The following RALYL variants were observed in gnomAD, a reference collection of about 807,000 sequenced individuals.
RALYL encodes the protein RNA-binding Raly-like protein.
RALYL carries 29 observed loss-of-function variants against 35.1 expected under a neutral mutation model. The observed-to-expected ratio is 0.83, with a 90% CI of 0.61 to 1.13. The LOEUF (loss-of-function observed/expected upper bound fraction) is 1.13. Ranked by LOEUF, RALYL falls within the 50% of genes most tolerant of loss-of-function variation. RALYL has a pLI of 0.00. For missense variants in RALYL, 359 were observed against 360.4 expected (o/e 1.00, Z 0.03); for synonymous variants, 120 against 127.6 (o/e 0.94, Z 0.40).
At chr8:84,721,293 C>A (rs548800198) in intron 2 of RALYL, among the ~76,000 whole-genome samples, 29 of 152,048 alleles carry the variant, frequency 1.9e-4, no homozygotes, top group African/African-American at 6.5e-4. Context: ...TGGTTATATA[C>A]CCAAAAGAAA....
At chr8:84,720,396 G>C (rs28831816) in intron 2 of RALYL, among the ~76,000 whole-genome samples, 18 of 152,202 alleles carry the variant, frequency 1.2e-4, no homozygotes, top group African/African-American at 4.1e-4. Context: ...AGAACATGTA[G>C]TGGGGAAAAG....
At chr8:84,825,001 G>A (rs574032644) in intron 4 of RALYL, among the ~76,000 whole-genome samples, 2 of 152,242 alleles carry the variant, frequency 1.3e-5, no homozygotes, top group East Asian at 1.9e-4. Context: ...ATTGAGAAGT[G>A]GGGCCTAATG....
chr8:84,690,437 A>G (rs1053919550), intron 2 of RALYL, among the ~76,000 whole-genome samples: 1 of 152,112 alleles, frequency 6.6e-6, no homozygotes, highest in Non-Finnish European at 1.5e-5. Context: ...TGCAGGATGA[A>G]TAAGTTTGGG....
chr8:84,413,375 G>A (rs892619416), intron 1 of RALYL, among the ~76,000 whole-genome samples: 1 of 151,500 alleles, frequency 6.6e-6, no homozygotes, highest in Admixed American at 6.6e-5. Flanking sequence ...GGAAAAAGTA[G>A]GTGTTAGTCC....
At chr8:84,515,586 A>G (rs989117518) in intron 1 of RALYL, among the ~76,000 whole-genome samples, 1 of 152,168 alleles carries the variant, frequency 6.6e-6, no homozygotes, top group Admixed American at 6.5e-5. Flanking sequence ...GAAATGTGAT[A>G]ATATCTTCTA....
chr8:84,906,999 G>C (rs1462450944), intron 8 of RALYL: 1 of 983,228 alleles, frequency 1.0e-6, no homozygotes, highest in Non-Finnish European at 1.2e-6. Flanking sequence ...TGAAATGAAA[G>C]TTCAGGCCTT....
intron 2 of RALYL, among the ~76,000 whole-genome samples, chr8:84,695,510 A>G (rs1336301344): frequency 1.3e-5 from 2 of 151,876 alleles, no homozygotes; most frequent in African/African-American, 2.4e-5. Context: ...CAGATATTTT[A>G]ACTGGTAGTT....
intron 2 of RALYL, among the ~76,000 whole-genome samples, chr8:84,674,867 A>G (rs1271971026): frequency 1.3e-5 from 2 of 152,106 alleles, no homozygotes; most frequent in Non-Finnish European, 2.9e-5. Flanking sequence ...TTTGAAACCA[A>G]ATTGTATACA....
intron 5 of RALYL, among the ~76,000 whole-genome samples, chr8:84,852,085 A>T (rs572639824): frequency 6.6e-6 from 1 of 152,188 alleles, no homozygotes; most frequent in Non-Finnish European, 1.5e-5. Flanking sequence ...TTAGTGACAG[A>T]ACTATGATCA....
At chr8:84,517,066 G>C (rs1303962461) in intron 1 of RALYL, among the ~76,000 whole-genome samples, 1 of 152,100 alleles carries the variant, frequency 6.6e-6, no homozygotes, top group South Asian at 2.1e-4. Context: ...CAAATTTGTA[G>C]AAGAAATTTC....
intron 7 of RALYL, among the ~76,000 whole-genome samples, chr8:84,883,423 A>G (rs374407840): frequency 3.3e-5 from 5 of 152,098 alleles, no homozygotes; most frequent in African/African-American, 1.2e-4. Context: ...ATGAACTCAC[A>G]GTTCCATGTG....
chr8:84,359,757 T>C (rs1852568630), intron 1 of RALYL, among the ~76,000 whole-genome samples: 1 of 152,148 alleles, frequency 6.6e-6, no homozygotes, highest in African/African-American at 2.4e-5. Flanking sequence ...GCAAATATAA[T>C]CTCTACTAAA....
chr8:84,327,344 C>G (rs1221999472), intron 1 of RALYL, among the ~76,000 whole-genome samples: 2 of 152,026 alleles, frequency 1.3e-5, no homozygotes, highest in Non-Finnish European at 2.9e-5. Flanking sequence ...ATGGCACAAT[C>G]TAGAGAACAG....
chr8:84,472,765 A>G (rs1563995380), intron 1 of RALYL, among the ~76,000 whole-genome samples: 1 of 152,196 alleles, frequency 6.6e-6, no homozygotes, highest in East Asian at 1.9e-4. Flanking sequence ...ATGATGAAGA[A>G]AAATGTTTTT....
At chr8:84,209,294 T>C (rs1227567317) in intron 1 of RALYL, among the ~76,000 whole-genome samples, 1 of 152,170 alleles carries the variant, frequency 6.6e-6, no homozygotes, top group Non-Finnish European at 1.5e-5. Context: ...GTGCTGGTTT[T>C]TTGTAACCTC....
At chr8:84,470,899 A>G (rs1460959201) in intron 1 of RALYL, among the ~76,000 whole-genome samples, 1 of 152,222 alleles carries the variant, frequency 6.6e-6, no homozygotes, top group Non-Finnish European at 1.5e-5. Flanking sequence ...TGTTAATCAC[A>G]ATCATTTAAA....
rs1478765531 is a variant in RALYL, at chr8:84,640,291, A to T, written c.256+110714A>T. ...TTAAGGAATTAAAAACCTAATAAAGAGTATAGGAATTATTTTGATAAAACC... is the reference window on the plus strand; with the variant it reads ...TTAAGGAATTAAAAACCTAATAAAGTGTATAGGAATTATTTTGATAAAACC... On this transcript the variant is annotated intron_variant, in intron 2 of 8. Coordinates refer to ENST00000521268, the MANE Select transcript of RALYL (RefSeq NM_173848.7). Among the ~76,000 whole-genome samples, 3 of 152,162 alleles carry T rather than the reference A, an allele frequency of 2.0e-5. No individual in the cohort carries two copies. In the East Asian group the frequency reaches 5.8e-4, roughly 30 times the overall value.
intron 2 of RALYL, among the ~76,000 whole-genome samples, chr8:84,538,191 A>T (rs983517400): frequency 6.6e-6 from 1 of 152,318 alleles, no homozygotes; most frequent in Admixed American, 6.5e-5. Flanking sequence ...TTTGCTTTCT[A>T]TTTCTAAAAT....
At chr8:84,341,998 A>G (rs1238642140) in intron 1 of RALYL, among the ~76,000 whole-genome samples, 1 of 151,820 alleles carries the variant, frequency 6.6e-6, no homozygotes, top group Non-Finnish European at 1.5e-5. Flanking sequence ...AGCCCATAGT[A>G]AAGATTAGAT....
Sources: gnomAD v4.1 joint callset for allele counts (sites outside exome capture counted in the v4.1 genomes callset) on GRCh38, gnomAD v4.1.1 for gene constraint, MANE v1.5 for transcripts, NCBI Gene and HGNC (gene_info 2026-07-23, HGNC 2026-07-21) for gene names.